Variants in WFDC9 observed in about 807,000 individuals in gnomAD.
WFDC9 encodes the protein WAP four-disulfide core domain 9.
Under a neutral mutation model 9.5 loss-of-function variants are expected in WFDC9, and 9 were observed. The ratio of observed to expected loss-of-function variants is 0.95; its 90% confidence interval spans 0.57 to 1.65. The LOEUF (loss-of-function observed/expected upper bound fraction) is 1.65, where lower values mean the gene tolerates loss of function less well. Ranked by LOEUF, WFDC9 falls within the 40% of genes most tolerant of loss-of-function variation. The pLI, the probability that WFDC9 is intolerant of heterozygous loss-of-function variation, is 0.00. For synonymous variants in WFDC9, 33 were observed against 32.3 expected (o/e 1.02, Z -0.07); for missense variants, 87 against 106.7 (o/e 0.82, Z 0.81).
At chr20:45,610,402 A>C (rs990448350) in intron 2 of WFDC9, among the ~76,000 whole-genome samples, 163 bp from the exon 3 acceptor site, 1 of 152,160 alleles carries the variant, frequency 6.6e-6, no homozygotes, top group African/African-American at 2.4e-5. Flanking sequence ...CTCATATTAC[A>C]TACCCCTTCC....
chr20:45,609,071 C>G (rs977158069), intron 3 of WFDC9, among the ~76,000 whole-genome samples: 1 of 152,134 alleles, frequency 6.6e-6, no homozygotes, highest in Non-Finnish European at 1.5e-5. Flanking sequence ...ATATATGACA[C>G]CAACCACCAA....
At chr20:45,609,993 T>C in intron 3 of WFDC9, 98 bp downstream of exon 3, 1 of 902,062 alleles carries the variant, frequency 1.1e-6, no homozygotes, top group South Asian at 1.7e-5. Flanking sequence ...TAAGGAGAGA[T>C]CCTTTAAAGC....
At chr20:45,613,202 C>A (rs984377877) in intron 2 of WFDC9, among the ~76,000 whole-genome samples, 2 of 152,210 alleles carry the variant, frequency 1.3e-5, no homozygotes, top group Admixed American at 6.5e-5. Context: ...TCCATTTATA[C>A]ATAGGACGAT....
intron 1 of WFDC9, among the ~76,000 whole-genome samples, chr20:45,620,586 T>G (rs1210327577): frequency 6.6e-6 from 1 of 152,176 alleles, no homozygotes; most frequent in Non-Finnish European, 1.5e-5. Context: ...AGTGATACTC[T>G]GTCTCAAACA....
intron 1 of WFDC9, 107 bp downstream of exon 1, chr20:45,631,096 G>T: frequency 6.9e-7 from 1 of 1,449,680 alleles, no homozygotes. Flanking sequence ...GAAGCACAAG[G>T]ACCTCAAGTC....
chr20:45,617,315 C>T (rs1981993855), intron 1 of WFDC9, among the ~76,000 whole-genome samples: 2 of 152,122 alleles, frequency 1.3e-5, no homozygotes, highest in African/African-American at 2.4e-5. Context: ...ATTAGCCTGG[C>T]ATGGTGGCAG....
At chr20:45,627,051 C>T (rs1344255268) in intron 1 of WFDC9, among the ~76,000 whole-genome samples, 1 of 152,100 alleles carries the variant, frequency 6.6e-6, no homozygotes, top group Non-Finnish European at 1.5e-5. Flanking sequence ...TTATCAAATG[C>T]TTTTTCTGTA....
At chr20:45,613,174 T>C (rs1412011364) in intron 2 of WFDC9, among the ~76,000 whole-genome samples, 1 of 152,234 alleles carries the variant, frequency 6.6e-6, no homozygotes, top group Non-Finnish European at 1.5e-5. Context: ...CCCAAAGTCT[T>C]TCTCTGATGC....
intron 3 of WFDC9, 66 bp downstream of exon 3, chr20:45,610,025 C>T (rs2145594490): frequency 1.5e-6 from 2 of 1,320,918 alleles, no homozygotes; most frequent in East Asian, 2.3e-5. Flanking sequence ...CATGCAGGCC[C>T]TGGATCAGCT....
At chr20:45,626,637 C>T (rs1435629358) in intron 1 of WFDC9, among the ~76,000 whole-genome samples, 5 of 152,176 alleles carry the variant, frequency 3.3e-5, no homozygotes, top group East Asian at 1.9e-4. Flanking sequence ...TATTTTGTAT[C>T]CTGTAACTTT....
chr20:45,610,331 A>T (rs946824150), intron 2 of WFDC9, 92 bp from the exon 3 acceptor site: 11 of 610,850 alleles, frequency 1.8e-5, no homozygotes, highest in Admixed American at 3.2e-5. Flanking sequence ...CCTTTCTAGT[A>T]CCCAGTAGCA....
rs748980791 is a variant in WFDC9, at chr20:45,630,830, AG to A, written c.-153+372del. ...CTTCAGCTTGAGAAAAATGTTCTCT[AG>A]GAAACTGCGTTTATTTACCGTTCTA... On this transcript the variant is annotated intron_variant, in intron 1 of 4. Transcript: ENST00000326000. 3.9e-6 allele frequency: 6 copies of A among 1,532,328 alleles called. No individual in the cohort carries two copies. In the African/African-American group the frequency reaches 8.4e-5, roughly 21 times the overall value. The allele number at this position is 1,532,328 out of a possible 1,614,324, so 94.9% of individuals were successfully genotyped here.
intron 1 of WFDC9, among the ~76,000 whole-genome samples, chr20:45,617,398 T>A (rs1228897492): frequency 6.6e-6 from 1 of 152,174 alleles, no homozygotes; most frequent in Non-Finnish European, 1.5e-5. Context: ...GAGGTTGCAG[T>A]GAGCACAGAT....
intron 1 of WFDC9, among the ~76,000 whole-genome samples, chr20:45,617,817 C>T (rs574481316): frequency 8.5e-5 from 13 of 152,172 alleles, no homozygotes; most frequent in Admixed American, 3.3e-4. Context: ...AGAAGCCTTA[C>T]TAATAACATA....
chr20:45,613,156 C>T (rs1271467320), intron 2 of WFDC9, among the ~76,000 whole-genome samples: 1 of 152,208 alleles, frequency 6.6e-6, no homozygotes, highest in Non-Finnish European at 1.5e-5. Context: ...TAGTTAGTGG[C>T]TATTGTCCCC....
At chr20:45,610,837 AT>A (rs959831045) in intron 2 of WFDC9, among the ~76,000 whole-genome samples, 5 of 152,236 alleles carry the variant, frequency 3.3e-5, no homozygotes, top group Non-Finnish European at 2.9e-5. Flanking sequence ...AGGAAATTTT[AT>A]TGGTAAAAAG....
intron 1 of WFDC9, among the ~76,000 whole-genome samples, chr20:45,629,277 T>C (rs536265675): frequency 3.1e-4 from 47 of 152,300 alleles, no homozygotes; most frequent in African/African-American, 9.6e-4. Context: ...ATTAGTACAA[T>C]ACAAATACTT....
At chr20:45,611,963 A>G in intron 2 of WFDC9, among the ~76,000 whole-genome samples, 1 of 152,134 alleles carries the variant, frequency 6.6e-6, no homozygotes, top group East Asian at 1.9e-4. Flanking sequence ...TTAGAATCCC[A>G]ACCCCACCAA....
chr20:45,609,313 C>A (rs1008058779), intron 3 of WFDC9, among the ~76,000 whole-genome samples: 2 of 151,860 alleles, frequency 1.3e-5, no homozygotes, highest in Non-Finnish European at 1.5e-5. Context: ...AAGCGATTCT[C>A]CTGCCTCAGC....
Sources: allele counts gnomAD v4.1 joint callset (sites outside exome capture counted in the v4.1 genomes callset), GRCh38; gene constraint gnomAD v4.1.1; transcripts MANE v1.5; gene names NCBI Gene and HGNC (gene_info 2026-07-23, HGNC 2026-07-21).